Variants in KCTD16 observed in about 807,000 individuals in gnomAD.
KCTD16 encodes potassium channel tetramerization domain containing 16.
In KCTD16, 13 loss-of-function variants were observed where a neutral mutation model predicts 33.2. That is an observed-to-expected ratio of 0.39 (90% confidence interval 0.25 to 0.62). The LOEUF is 0.62. Among genes scored for constraint, KCTD16 ranks in the 20% least tolerant of loss-of-function variants. The pLI is 0.50. For missense variants in KCTD16, 441 were observed against 525.1 expected, an observed-to-expected ratio of 0.84 and a Z score of 1.57; for synonymous variants, 197 against 195.3, an observed-to-expected ratio of 1.01 and a Z score of -0.07.
chr5:144,391,668 C>T (rs1281988858), intron 3 of KCTD16, among the ~76,000 whole-genome samples: 1 of 152,180 alleles, frequency 6.6e-6, no homozygotes, highest in Non-Finnish European at 1.5e-5. Flanking sequence ...AAAATGGTAA[C>T]TCTATACCCT....
At chr5:144,201,341 C>G (rs1753041095) in intron 2 of KCTD16, among the ~76,000 whole-genome samples, 1 of 152,150 alleles carries the variant, frequency 6.6e-6, no homozygotes, top group Non-Finnish European at 1.5e-5. Flanking sequence ...TCCTGAAATT[C>G]CCCCATGAAT....
At chr5:144,358,878 T>C (rs1049378655) in intron 3 of KCTD16, among the ~76,000 whole-genome samples, 7 of 152,192 alleles carry the variant, frequency 4.6e-5, no homozygotes, top group Non-Finnish European at 8.8e-5. Flanking sequence ...CCATAGGCCC[T>C]ACCTCCCAGT....
intron 3 of KCTD16, among the ~76,000 whole-genome samples, chr5:144,338,436 T>C (rs1561572468): frequency 2.6e-5 from 4 of 152,140 alleles, no homozygotes; most frequent in Admixed American, 6.6e-5. Flanking sequence ...ACTGGCTTGA[T>C]AGGAGAGTTA....
intron 3 of KCTD16, among the ~76,000 whole-genome samples, chr5:144,432,497 G>C (rs1190190807): frequency 6.6e-6 from 1 of 152,104 alleles, no homozygotes; most frequent in Non-Finnish European, 1.5e-5. Context: ...ATGTTATCAG[G>C]ACTTGTTGAA....
At chr5:144,200,810 T>C (rs1753030051) in intron 2 of KCTD16, among the ~76,000 whole-genome samples, 2 of 152,182 alleles carry the variant, frequency 1.3e-5, no homozygotes, top group African/African-American at 4.8e-5. Context: ...CCATCATAGC[T>C]CATTGCACCC....
intron 3 of KCTD16, among the ~76,000 whole-genome samples, chr5:144,215,116 G>A (rs1330682683): frequency 1.3e-5 from 2 of 152,118 alleles, no homozygotes; most frequent in Non-Finnish European, 2.9e-5. Context: ...TGAGTGCTAA[G>A]CATTTTACAT....
intron 3 of KCTD16, among the ~76,000 whole-genome samples, chr5:144,406,494 A>G (rs1042244538): frequency 6.6e-6 from 1 of 152,252 alleles, no homozygotes; most frequent in African/African-American, 2.4e-5. Context: ...GATCTGTTCT[A>G]GAAATGTCCA....
rs78426165 is a variant in KCTD16 at position 144,205,953 on chromosome 5, C to T, written c.-326-436C>T. On this transcript the variant is annotated intron_variant, in intron 2 of 3. Coordinates refer to ENST00000512467, the MANE Select transcript of KCTD16 (RefSeq NM_020768.4). ...TACCTGTTTGGGATTTGACAAGATCCAGACTCAGTTTGGCTGTGGATTTTG... is the reference window on the plus strand; with the variant it reads ...TACCTGTTTGGGATTTGACAAGATCTAGACTCAGTTTGGCTGTGGATTTTG... The T allele has an allele frequency of 6.3e-3, 1,077 of 170,152 alleles. 16 individuals carry two copies. The highest frequency in any genetic ancestry group is 0.024 in the African/African-American group (1,015 of 42,260). 10.5% of individuals were successfully genotyped at this position (170,152 alleles called of 1,614,324 possible).
intron 3 of KCTD16, among the ~76,000 whole-genome samples, chr5:144,291,430 T>A (rs1163104479): frequency 6.6e-6 from 1 of 152,250 alleles, no homozygotes; most frequent in Non-Finnish European, 1.5e-5. Context: ...GAACTCAGCA[T>A]ATACTACTAA....
At chr5:144,434,438 G>A (rs572293546) in intron 3 of KCTD16, among the ~76,000 whole-genome samples, 1 of 152,226 alleles carries the variant, frequency 6.6e-6, no homozygotes, top group South Asian at 2.1e-4. Flanking sequence ...AGGGAGGGGT[G>A]TGTAACTCAT....
At chr5:144,283,156 G>A (rs112717622) in intron 3 of KCTD16, among the ~76,000 whole-genome samples, 2,803 of 152,098 alleles carry the variant, frequency 0.018, 91 homozygotes, top group African/African-American at 0.063. Flanking sequence ...CCATTAACTC[G>A]TCATTTACAT....
intron 3 of KCTD16, among the ~76,000 whole-genome samples, chr5:144,238,142 A>G (rs1754304085): frequency 6.6e-6 from 1 of 152,208 alleles, no homozygotes; most frequent in Admixed American, 6.5e-5. Flanking sequence ...GGGCTTGTGC[A>G]GCCAGATGGC....
chr5:144,203,656 A>T (rs1200662576), intron 2 of KCTD16, among the ~76,000 whole-genome samples: 2 of 152,206 alleles, frequency 1.3e-5, no homozygotes, highest in African/African-American at 2.4e-5. Flanking sequence ...TTCATACCTG[A>T]GCTCCAAAGC....
intron 3 of KCTD16, among the ~76,000 whole-genome samples, chr5:144,393,936 T>G (rs1429675155): frequency 6.6e-6 from 1 of 151,840 alleles, no homozygotes; most frequent in African/African-American, 2.4e-5. Context: ...TTTTTTCTTT[T>G]GCTTTTCCTT....
chr5:144,409,087 T>C (rs1038322276), intron 3 of KCTD16, among the ~76,000 whole-genome samples: 9 of 152,160 alleles, frequency 5.9e-5, no homozygotes, highest in African/African-American at 2.2e-4. Context: ...ATCTAGCACA[T>C]GTAAATGTTT....
chr5:144,237,304 C>G (rs925228827), intron 3 of KCTD16, among the ~76,000 whole-genome samples: 1 of 152,022 alleles, frequency 6.6e-6, no homozygotes, highest in African/African-American at 2.4e-5. Flanking sequence ...AGATCATGAG[C>G]CATGAGGCTG....
intron 3 of KCTD16, among the ~76,000 whole-genome samples, chr5:144,353,920 T>C (rs191864251): frequency 2.1e-4 from 32 of 152,288 alleles, no homozygotes; most frequent in Admixed American, 1.2e-3. Flanking sequence ...CAGGTATACA[T>C]ATCTTTTTCA....
chr5:144,256,669 G>A (rs1189424712), intron 3 of KCTD16, among the ~76,000 whole-genome samples: 1 of 150,898 alleles, frequency 6.6e-6, no homozygotes, highest in East Asian at 1.9e-4. Flanking sequence ...GGGCTAGCCC[G>A]AGAGGGGTGC....
In KCTD16 at chr5:144,481,906, TCTA is replaced by T. The variant is rs772475252; in HGVS notation, c.*7795_*7797del. On this transcript the variant is annotated 3_prime_UTR_variant, in exon 4 of 4. Coordinates refer to ENST00000512467, the MANE Select transcript of KCTD16 (RefSeq NM_020768.4). ...AGATTTATTATTATGTACCTGAAACTCTACTGAGTACTTTTCATGCCTTATCTC... is the reference window on the plus strand; with the variant it reads ...AGATTTATTATTATGTACCTGAAACTCTGAGTACTTTTCATGCCTTATCTC... 6.6e-6 allele frequency: 1 copy of T among 151,944 alleles called. No individual in the cohort carries two copies. The highest frequency in any genetic ancestry group is 1.5e-5 in the Non-Finnish European group (1 of 67,928). The allele number at this position is 151,944 out of a possible 1,614,324, so 9.4% of individuals were successfully genotyped here.
Sources: allele counts gnomAD v4.1 joint callset (sites outside exome capture counted in the v4.1 genomes callset), GRCh38; gene constraint gnomAD v4.1.1; transcripts MANE v1.5; gene names NCBI Gene and HGNC (gene_info 2026-07-23, HGNC 2026-07-21).